The following MLIP variants were observed in gnomAD, a reference collection of about 807,000 sequenced individuals.
The protein encoded by MLIP is muscular LMNA interacting protein, also known as muscular LMNA-interacting protein.
In MLIP, 79 loss-of-function variants were observed where a neutral mutation model predicts 84.8. The observed-to-expected ratio is 0.93, with a 90% CI of 0.78 to 1.12. The LOEUF (loss-of-function observed/expected upper bound fraction) is 1.12. Ranked by LOEUF, MLIP falls within the 50% of genes most tolerant of loss-of-function variation. MLIP has a pLI of 0.00. For synonymous variants in MLIP, 504 were observed against 463.0 expected (o/e 1.09, Z -1.14); for missense variants, 1,257 against 1,160.6 (o/e 1.08, Z -1.21).
intron 1 of MLIP, among the ~76,000 whole-genome samples, chr6:54,082,833 T>A: frequency 6.6e-6 from 1 of 151,920 alleles, no homozygotes. Context: ...TTAAAAAAAC[T>A]GAATTATAGA....
rs566597456 is a variant in MLIP at position 54,239,392 on chromosome 6, T to TAC, written c.2922+8485_2922+8486dup. Among the ~76,000 whole-genome samples, 98 of 147,676 alleles carry TAC rather than the reference T, an allele frequency of 6.6e-4. No homozygotes were observed. In the East Asian group the frequency reaches 0.017, roughly 26 times the overall value. On this transcript the variant is annotated intron_variant, in intron 12 of 13. Transcript: ENST00000502396. ...AATATATATATATATAATATATATA[T>TAC]ACACACACACATACACATATATGAA...
At chr6:54,124,917 C>G (rs367934632) in intron 3 of MLIP, 52 bp downstream of exon 3, 6 of 1,499,542 alleles carry the variant, frequency 4.0e-6, no homozygotes, top group Non-Finnish European at 5.3e-6. Flanking sequence ...GTTTATGCAC[C>G]CTTTGTCTTG....
chr6:54,261,268 A>G (rs1179125988), intron 13 of MLIP, among the ~76,000 whole-genome samples: 3 of 152,074 alleles, frequency 2.0e-5, no homozygotes, highest in African/African-American at 4.8e-5. Context: ...TGTGAAAGTC[A>G]TACTGCAGAA....
intron 1 of MLIP, among the ~76,000 whole-genome samples, chr6:54,071,010 T>C (rs1002317654): frequency 6.6e-6 from 1 of 152,150 alleles, no homozygotes; most frequent in African/African-American, 2.4e-5. Context: ...TGAATGCTAT[T>C]CATAGACCCC....
In MLIP at chr6:54,041,031, T is replaced by G. The variant is rs1764712773; in HGVS notation, c.63+21940T>G. The G allele has an allele frequency of 2.0e-5, 3 of 152,002 alleles. No individual in the cohort carries two copies. In the South Asian group the frequency reaches 6.2e-4, roughly 31 times the overall value. 9.4% of individuals were successfully genotyped at this position (152,002 alleles called of 1,614,324 possible). A position where few individuals can be genotyped will look rare whatever the true frequency, so the allele number is the denominator to read the frequency against. Reference sequence around the variant, plus strand: ...ACCTCAGCATCACAAAATGTACCCATGTAACAAACCTGCATATACACCACC... The same window carrying G: ...ACCTCAGCATCACAAAATGTACCCAGGTAACAAACCTGCATATACACCACC... On this transcript the variant is annotated intron_variant, in intron 1 of 12. Coordinates refer to the MLIP transcript ENST00000274897.
intron 4 of MLIP, among the ~76,000 whole-genome samples, chr6:54,147,708 T>C (rs1188485047): frequency 6.6e-6 from 1 of 152,162 alleles, no homozygotes; most frequent in African/African-American, 2.4e-5. Flanking sequence ...ATTGTGTGTG[T>C]GTCTGTATGT....
intron 11 of MLIP, among the ~76,000 whole-genome samples, chr6:54,223,227 T>C (rs967639760): frequency 9.9e-5 from 15 of 152,092 alleles, no homozygotes; most frequent in African/African-American, 3.4e-4. Context: ...GCTGTAGAGA[T>C]TTTTTTAAGT....
At chr6:54,203,101 A>G (rs1778803688) in intron 11 of MLIP, among the ~76,000 whole-genome samples, 1 of 152,168 alleles carries the variant, frequency 6.6e-6, no homozygotes, top group African/African-American at 2.4e-5. Flanking sequence ...AAAAGTCTAT[A>G]CTAGATTCTC....
chr6:54,025,137 T>C (rs62397360), intron 1 of MLIP, among the ~76,000 whole-genome samples: 84,554 of 151,892 alleles, frequency 0.56, 25,628 homozygotes, highest in Non-Finnish European at 0.69. Context: ...GCGTGAGCCG[T>C]TGCGCCCGGC....
At chr6:54,144,349 A>G (rs1007479806) in intron 4 of MLIP, among the ~76,000 whole-genome samples, 2 of 152,180 alleles carry the variant, frequency 1.3e-5, no homozygotes, top group African/African-American at 4.8e-5. Flanking sequence ...GCCCTTCACC[A>G]TGGTTTCCTC....
At chr6:54,219,748 C>T (rs959926841) in intron 11 of MLIP, among the ~76,000 whole-genome samples, 18 of 152,082 alleles carry the variant, frequency 1.2e-4, no homozygotes, top group African/African-American at 4.3e-4. Context: ...GGTCTGAATG[C>T]TAGATAGTTA....
At chr6:54,038,910 CGAAATTAGATTG>C (rs1764594149) in intron 1 of MLIP, among the ~76,000 whole-genome samples, 2 of 151,852 alleles carry the variant, frequency 1.3e-5, no homozygotes, top group South Asian at 4.1e-4. Context: ...TTTCATATAA[CGAAATTAGATTG>C]AAAACTAGCA....
chr6:54,265,059 T>A (rs1332484746), intron 13 of MLIP, among the ~76,000 whole-genome samples: 2 of 152,048 alleles, frequency 1.3e-5, no homozygotes, highest in African/African-American at 4.8e-5. Context: ...CACAGACAGT[T>A]GCCTACAGAA....
chr6:54,040,783 A>G (rs1764699716), intron 1 of MLIP, among the ~76,000 whole-genome samples: 2 of 152,138 alleles, frequency 1.3e-5, no homozygotes, highest in Admixed American at 1.3e-4. Flanking sequence ...ATGGAGCTGG[A>G]GGCCATTATC....
intron 11 of MLIP, among the ~76,000 whole-genome samples, chr6:54,212,928 T>C (rs1300228494): frequency 3.9e-5 from 6 of 152,238 alleles, no homozygotes; most frequent in African/African-American, 1.4e-4. Flanking sequence ...ATTTCTGCTG[T>C]AAATATACTT....
At position 54,143,448 on chromosome 6, in the gene MLIP, C is replaced by T. The variant is rs555554310; in HGVS notation, c.2217+5162C>T. On this transcript the variant is annotated intron_variant, in intron 4 of 13. Transcript: ENST00000502396. ...CTTGAACTCCTGACCTCAGGTGATC[C>T]GCCTGCCTTGGCCCCCCAAACTGTT... 6.1e-4 allele frequency among the ~76,000 whole-genome samples: 93 copies of T among 152,114 alleles called. 1 individual carries two copies. The highest frequency in any genetic ancestry group is 1.3e-3 in the African/African-American group (52 of 41,494).
At chr6:54,175,433 A>G (rs1300017060) in intron 9 of MLIP, among the ~76,000 whole-genome samples, 1 of 151,758 alleles carries the variant, frequency 6.6e-6, no homozygotes, top group East Asian at 1.9e-4. Context: ...TCAGCATTTT[A>G]TAGTTTTCAT....
At chr6:54,035,218 A>AAGT (rs1428171910) in intron 1 of MLIP, among the ~76,000 whole-genome samples, 1 of 152,152 alleles carries the variant, frequency 6.6e-6, no homozygotes, top group Non-Finnish European at 1.5e-5. Flanking sequence ...GCGATGCCTG[A>AAGT]CTGTATACAA....
chr6:54,144,209 G>C (rs997732155), intron 4 of MLIP, among the ~76,000 whole-genome samples: 1 of 152,148 alleles, frequency 6.6e-6, no homozygotes, highest in South Asian at 2.1e-4. Flanking sequence ...TCTCAGGACT[G>C]ATGTCAGGGA....
Sources: gnomAD v4.1 joint callset for allele counts (sites outside exome capture counted in the v4.1 genomes callset) on GRCh38, gnomAD v4.1.1 for gene constraint, MANE v1.5 for transcripts, NCBI Gene and HGNC (gene_info 2026-07-23, HGNC 2026-07-21) for gene names.